Variants in FAM184B observed in about 807,000 individuals in gnomAD.
FAM184B encodes the protein protein FAM184B.
A neutral mutation model predicts 135.9 loss-of-function variants in FAM184B; 111 were observed. That is an observed-to-expected ratio of 0.82 (90% CI 0.70 to 0.96). The LOEUF (loss-of-function observed/expected upper bound fraction) is 0.96. Ranked by LOEUF, FAM184B falls within the 40% of genes least tolerant of loss-of-function variation. The pLI, the probability that FAM184B is intolerant of heterozygous loss-of-function variation, is 0.00. For synonymous variants in FAM184B, 552 were observed against 524.8 expected, an observed-to-expected ratio of 1.05 and a Z score of -0.71; for missense variants, 1,375 against 1,323.9, an observed-to-expected ratio of 1.04 and a Z score of -0.60.
intron 1 of FAM184B, among the ~76,000 whole-genome samples, chr4:17,737,576 A>G (rs139310830): frequency 1.3e-5 from 2 of 152,210 alleles, no homozygotes; most frequent in African/African-American, 2.4e-5. Context: ...CGTAAGCAAG[A>G]TATCACCAGG....
At chr4:17,643,893 C>A (rs551430028) in intron 12 of FAM184B, among the ~76,000 whole-genome samples, 1 of 152,156 alleles carries the variant, frequency 6.6e-6, no homozygotes, top group Non-Finnish European at 1.5e-5. Flanking sequence ...CTGATCCAGT[C>A]TAGGCAACAA....
chr4:17,639,402 G>A lies in FAM184B; in HGVS notation c.2520-6C>T. The A allele has an allele frequency of 6.4e-7, 1 of 1,551,428 alleles. No homozygotes were observed. Among genetic ancestry groups the A allele is most frequent in the Non-Finnish European group, 8.7e-7 (1 of 1,146,964 alleles). ...GCTGAGTCTCCTCCAGGAACCTGTG[G>A]TGGATGAAAGCACAGCCAGGCTTGC... On this transcript the variant is annotated splice_region_variant and splice_polypyrimidine_tract_variant and intron_variant, in intron 13 of 17. Coordinates refer to ENST00000265018, the MANE Select transcript of FAM184B (RefSeq NM_015688.2).
intron 5 of FAM184B, among the ~76,000 whole-genome samples, chr4:17,704,552 G>C (rs1342691627): frequency 6.6e-6 from 1 of 152,202 alleles, no homozygotes. Flanking sequence ...GGATCCTGAG[G>C]CATGTGGAAT....
intron 7 of FAM184B, among the ~76,000 whole-genome samples, chr4:17,678,072 C>T (rs2315561): frequency 0.55 from 83,530 of 151,844 alleles, 24,454 homozygotes; most frequent in East Asian, 0.82. Flanking sequence ...TTCTACTGAA[C>T]GGGGAAAAGT....
chr4:17,748,296 C>T (rs1032206473), intron 1 of FAM184B, among the ~76,000 whole-genome samples: 3 of 151,856 alleles, frequency 2.0e-5, no homozygotes, highest in African/African-American at 7.3e-5. Flanking sequence ...GAGCATCTAA[C>T]TGACTTTTGG....
At chr4:17,652,681 TG>T in intron 11 of FAM184B, 148 bp downstream of exon 11, 1 of 935,256 alleles carries the variant, frequency 1.1e-6, no homozygotes, top group Non-Finnish European at 1.6e-6. Flanking sequence ...CTGAGAGCCC[TG>T]GAGCCCTGGC....
chr4:17,647,634 G>A lies in FAM184B; in HGVS notation c.2346+3C>T. 9.0e-6 allele frequency: 14 copies of A among 1,548,058 alleles called. No individual in the cohort carries two copies. Among genetic ancestry groups the A allele is most frequent in the Non-Finnish European group, 1.2e-5 (14 of 1,145,300 alleles). On this transcript the variant is annotated splice_donor_region_variant and intron_variant, in intron 12 of 17. Coordinates refer to ENST00000265018, the MANE Select transcript of FAM184B (RefSeq NM_015688.2). Reference sequence around the variant, plus strand: ...TTGCTGGTGCAAGGGCGGGGGCACTGACCTCTGTGGCGATTATGTGATCCT... The same window carrying A: ...TTGCTGGTGCAAGGGCGGGGGCACTAACCTCTGTGGCGATTATGTGATCCT...
chr4:17,769,505 G>A (rs1718767150), intron 1 of FAM184B, among the ~76,000 whole-genome samples: 2 of 152,142 alleles, frequency 1.3e-5, no homozygotes, highest in Non-Finnish European at 2.9e-5. Context: ...GAGGCACCAC[G>A]TCTGAATAGA....
At chr4:17,643,833 G>T (rs1388268276) in intron 12 of FAM184B, among the ~76,000 whole-genome samples, 4 of 152,200 alleles carry the variant, frequency 2.6e-5, no homozygotes, top group Admixed American at 2.0e-4. Flanking sequence ...GGCTGGGAGT[G>T]GGGGTGGGGA....
rs563866496 is a variant in FAM184B at position 17,647,858 on chromosome 4, A to G, written c.2192-67T>C. The G allele has an allele frequency of 2.6e-5, 39 of 1,477,812 alleles. 1 individual carries two copies. In the South Asian group the frequency reaches 3.3e-4, roughly 12 times the overall value. The allele number at this position is 1,477,812 out of a possible 1,614,324, so 91.5% of individuals were successfully genotyped here. ...GGCTGAAGCCTGTGTCATGGGGACAACAGTCTCTGGGGTGGGGTTGGATGA... is the reference window on the plus strand; with the variant it reads ...GGCTGAAGCCTGTGTCATGGGGACAGCAGTCTCTGGGGTGGGGTTGGATGA... On this transcript the variant is annotated intron_variant, in intron 11 of 17. Transcript: ENST00000265018.
At chr4:17,762,563 A>G (rs938786906) in intron 1 of FAM184B, among the ~76,000 whole-genome samples, 1 of 152,206 alleles carries the variant, frequency 6.6e-6, no homozygotes, top group African/African-American at 2.4e-5. Context: ...AGTACACTTA[A>G]GGCCTCTGCC....
In FAM184B at chr4:17,633,784, G is replaced by T; in HGVS notation, c.2994C>A (p.Ala998=). The T allele has an allele frequency of 6.4e-7, 1 of 1,551,514 alleles. No homozygotes were observed. The highest frequency in any genetic ancestry group is 8.7e-7 in the Non-Finnish European group (1 of 1,146,956). Residue 998 remains alanine (A), a synonymous_variant, in exon 17 of 18, where the codon GCC becomes GCA. Coordinates refer to ENST00000265018, the MANE Select transcript of FAM184B (RefSeq NM_015688.2). ...AGCTGGGTGATGTAGTTATTGGAGGGGCATTAATCCTGGAACTCAGATCGC... is the reference window on the plus strand; with the variant it reads ...AGCTGGGTGATGTAGTTATTGGAGGTGCATTAATCCTGGAACTCAGATCGC... The part of the protein sequence containing the change: ...LSGDLSSRIN[A]PPITTSPSLD...
In FAM184B at chr4:17,636,515, C is replaced by G. The variant is rs916459687; in HGVS notation, c.2784+13G>C. On this transcript the variant is annotated intron_variant, in intron 15 of 17. Coordinates refer to ENST00000265018, the MANE Select transcript of FAM184B (RefSeq NM_015688.2). ...GCCAGGTGCGTGGGTGAGGCGCCCCCTGACAGCCTCACCGTGAGCTGCTTG... is the reference window on the plus strand; with the variant it reads ...GCCAGGTGCGTGGGTGAGGCGCCCCGTGACAGCCTCACCGTGAGCTGCTTG... The G allele has an allele frequency of 6.5e-7, 1 of 1,545,320 alleles. No individual in the cohort carries two copies. The highest frequency in any genetic ancestry group is 8.8e-7 in the Non-Finnish European group (1 of 1,142,794).
chr4:17,733,905 A>C (rs1717847348), intron 1 of FAM184B, among the ~76,000 whole-genome samples: 1 of 152,242 alleles, frequency 6.6e-6, no homozygotes, highest in Non-Finnish European at 1.5e-5. Context: ...AGCTGGAGGC[A>C]TCACGCTACC....
At chr4:17,686,249 C>T (rs1716583905) in intron 7 of FAM184B, among the ~76,000 whole-genome samples, 1 of 152,206 alleles carries the variant, frequency 6.6e-6, no homozygotes, top group Non-Finnish European at 1.5e-5. Flanking sequence ...AATGTCTGCA[C>T]ATCCCTCAGG....
intron 7 of FAM184B, among the ~76,000 whole-genome samples, chr4:17,687,942 G>A (rs1443145544): frequency 6.6e-6 from 1 of 152,160 alleles, no homozygotes; most frequent in Non-Finnish European, 1.5e-5. Context: ...CCCACCGTGA[G>A]CCAGACAGAG....
Position 17,751,822 on chromosome 4 carries a change from G to GACACACACACACACACAC in FAM184B, c.141+29336_141+29337insGTGTGTGTGTGTGTGTGT, listed in dbSNP as rs1718298223. Among the ~76,000 whole-genome samples the GACACACACACACACACAC allele has an allele frequency of 1.7e-4, 4 of 23,104 alleles. No individual in the cohort carries two copies. The Admixed American group carries it at 2.0e-3, about 12-fold the overall frequency. 15.2% of individuals were successfully genotyped at this position (23,104 alleles called of 152,430 possible). On this transcript the variant is annotated intron_variant, in intron 1 of 17. Transcript: ENST00000265018. ...GGGCTGATTCTGGCCCTAAAAACAA[G>GACACACACACACACACAC]GCACACACACACACACACACACACA... is the stretch of plus-strand genomic sequence containing the variant.
At chr4:17,646,573 A>C (rs1381585220) in intron 12 of FAM184B, among the ~76,000 whole-genome samples, 15 of 151,586 alleles carry the variant, frequency 9.9e-5, no homozygotes, top group Non-Finnish European at 2.1e-4. Context: ...CACACCGGGG[A>C]CTGTTGTGGG....
At chr4:17,637,953 G>A (rs1715194239) in intron 14 of FAM184B, among the ~76,000 whole-genome samples, 1 of 147,776 alleles carries the variant, frequency 6.8e-6, no homozygotes, top group South Asian at 2.2e-4. Flanking sequence ...ATCAGGGCAG[G>A]AGTCCCTTCA....
Sources: gnomAD v4.1 joint callset for allele counts (sites outside exome capture counted in the v4.1 genomes callset) on GRCh38, gnomAD v4.1.1 for gene constraint, MANE v1.5 for transcripts, NCBI Gene and HGNC (gene_info 2026-07-23, HGNC 2026-07-21) for gene names.